The following TRHDE variants were observed in gnomAD, a reference collection of about 807,000 sequenced individuals.
TRHDE encodes the protein thyrotropin releasing hormone degrading enzyme.
TRHDE carries 72 observed loss-of-function variants against 125.7 expected under a neutral mutation model. The ratio of observed to expected loss-of-function variants is 0.57; its 90% CI spans 0.47 to 0.70. The LOEUF is 0.70. Ranked by LOEUF, TRHDE falls within the 30% of genes least tolerant of loss-of-function variation. The probability of loss-of-function intolerance (pLI) is 0.00; values close to 1 mark genes in which losing one functional copy is unlikely to be tolerated. For synonymous variants in TRHDE, 509 were observed against 509.1 expected (o/e 1.00, Z 0.00); for missense variants, 1,110 against 1,327.1 (o/e 0.84, Z 2.54).
At position 72,621,170 on chromosome 12, in the gene TRHDE, T is replaced by A; in HGVS notation, c.2532T>A (p.Phe844Leu). 1 of 1,612,540 alleles carries A rather than the reference T, an allele frequency of 6.2e-7. No individual in the cohort carries two copies. Among genetic ancestry groups the A allele is most frequent in the Non-Finnish European group, 8.5e-7 (1 of 1,178,996 alleles). Residue 844 changes from phenylalanine (F) to leucine (L), a missense_variant, in exon 14 of 19, where the codon TTT (phenylalanine) becomes TTA (leucine). This residue lies in a region of TRHDE where 527 missense variants were observed against 651.8 expected (regional missense o/e 0.81). Coordinates refer to ENST00000261180, the MANE Select transcript of TRHDE (RefSeq NM_013381.3). ...YIKLGWPKNN[F>L]NGSLVQASYQ... The stretch of plus-strand genomic sequence containing the variant: ...AGCTTGGGTGGCCGAAAAATAATTT[T>A]AATGGATCTCTTGTTCAAGCATCCT...
At chr12:72,369,086 G>A (rs1467419650) in intron 2 of TRHDE, among the ~76,000 whole-genome samples, 1 of 152,082 alleles carries the variant, frequency 6.6e-6, no homozygotes, top group Admixed American at 6.6e-5. Context: ...CCTTTAGTAT[G>A]TTTTTCCTTT....
At chr12:72,584,217 G>A (rs1011909756) in intron 12 of TRHDE, among the ~76,000 whole-genome samples, 5 of 152,090 alleles carry the variant, frequency 3.3e-5, no homozygotes, top group African/African-American at 1.2e-4. Context: ...AGAGTGCTGA[G>A]TAGAAAGTAA....
chr12:72,593,700 G>A (rs1263018451), intron 12 of TRHDE, among the ~76,000 whole-genome samples: 1 of 150,790 alleles, frequency 6.6e-6, no homozygotes, highest in African/African-American at 2.4e-5. Flanking sequence ...TGTGTGTAAT[G>A]TTCCCCACCC....
rs148746021 is a variant in TRHDE, at chr12:72,181,481, T to A, written n.279+75729T>A. ...TAACCAAACCAGCTCACTTTTCTCT[T>A]TATAAATTACAAAGTTGCAAGCAAC... On this transcript the variant is annotated intron_variant and non_coding_transcript_variant, in intron 2 of 4. Transcript: ENST00000548156. Among the ~76,000 whole-genome samples, 121 of 152,340 alleles carry A rather than the reference T, an allele frequency of 7.9e-4. 1 individual carries two copies. In the East Asian group the frequency reaches 0.011, roughly 14 times the overall value.
intron 2 of TRHDE, among the ~76,000 whole-genome samples, chr12:72,129,992 G>A (rs866479305): frequency 2.6e-5 from 4 of 152,168 alleles, no homozygotes; most frequent in Middle Eastern, 3.2e-3. Flanking sequence ...TATAGTCATT[G>A]TTAGAACATG....
chr12:72,504,987 A>G (rs1878300747), intron 6 of TRHDE, among the ~76,000 whole-genome samples: 1 of 151,962 alleles, frequency 6.6e-6, no homozygotes, highest in Admixed American at 6.6e-5. Context: ...GTTTTTTGTT[A>G]TTCTCCCTGA....
At chr12:72,569,059 G>T (rs1258042888) in intron 10 of TRHDE, among the ~76,000 whole-genome samples, 1 of 152,022 alleles carries the variant, frequency 6.6e-6, no homozygotes, top group Non-Finnish European at 1.5e-5. Context: ...TCTTTAAAAG[G>T]TGAGAGAGGC....
chr12:72,098,002 G>T (rs547274837), intron 1 of TRHDE, among the ~76,000 whole-genome samples: 1 of 152,150 alleles, frequency 6.6e-6, no homozygotes, highest in East Asian at 1.9e-4. Flanking sequence ...AAAATGTCAT[G>T]ATAATGAATT....
At chr12:72,251,597 G>A (rs1431770395) in intron 2 of TRHDE, among the ~76,000 whole-genome samples, 1 of 151,678 alleles carries the variant, frequency 6.6e-6, no homozygotes. Flanking sequence ...TCCAATTTTT[G>A]GCTACTATGA....
At chr12:72,527,720 G>A (rs1868362339) in intron 6 of TRHDE, among the ~76,000 whole-genome samples, 1 of 151,838 alleles carries the variant, frequency 6.6e-6, no homozygotes, top group African/African-American at 2.4e-5. Flanking sequence ...TTAAAAATAT[G>A]AAAGGACTGA....
intron 2 of TRHDE, among the ~76,000 whole-genome samples, chr12:72,230,649 C>T (rs7132212): frequency 1.4e-4 from 21 of 152,034 alleles, no homozygotes; most frequent in African/African-American, 3.6e-4. Context: ...CCAGAGCTCC[C>T]CACTCACAAC....
chr12:72,560,630 T>A (rs779967612), intron 7 of TRHDE: 9 of 152,024 alleles, frequency 5.9e-5, no homozygotes, highest in Non-Finnish European at 1.3e-4. Context: ...AAGGCCAGCA[T>A]GGGCCACATA....
intron 2 of TRHDE, among the ~76,000 whole-genome samples, chr12:72,310,421 T>C (rs1322728774): frequency 6.6e-6 from 1 of 152,250 alleles, no homozygotes; most frequent in Non-Finnish European, 1.5e-5. Flanking sequence ...AAATCTTGAC[T>C]GCGTTTATTT....
intron 5 of TRHDE, among the ~76,000 whole-genome samples, chr12:72,489,730 A>G (rs925269712): frequency 7.9e-5 from 12 of 151,922 alleles, no homozygotes; most frequent in Admixed American, 7.2e-4. Flanking sequence ...GCCACCAAGA[A>G]GACACGATGA....
intron 6 of TRHDE, among the ~76,000 whole-genome samples, chr12:72,509,053 C>A (rs1477582945): frequency 6.6e-6 from 1 of 152,074 alleles, no homozygotes; most frequent in Non-Finnish European, 1.5e-5. Flanking sequence ...TTCTAAATTA[C>A]CCAGGTTCAG....
rs555769682 is a variant in TRHDE at position 72,651,876 on chromosome 12, T to C, written c.2676-446T>C. Among the ~76,000 whole-genome samples, 65 of 152,042 alleles carry C rather than the reference T, an allele frequency of 4.3e-4. No homozygotes were observed. In the South Asian group the frequency reaches 0.012, roughly 28 times the overall value. The stretch of plus-strand genomic sequence containing the variant: ...TTGAGAAAATTACTGATAGAGAAAG[T>C]TATCTAAGAATTTAAGAGAAAATGT... On this transcript the variant is annotated intron_variant, in intron 15 of 18. Transcript: ENST00000261180.
intron 3 of TRHDE, among the ~76,000 whole-genome samples, chr12:72,393,753 G>C (rs1872690824): frequency 6.6e-6 from 1 of 152,032 alleles, no homozygotes; most frequent in Non-Finnish European, 1.5e-5. Context: ...CATTTTTTTT[G>C]TACAGAGCCT....
At chr12:72,325,574 T>A (rs1869303829) in intron 2 of TRHDE, among the ~76,000 whole-genome samples, 1 of 152,156 alleles carries the variant, frequency 6.6e-6, no homozygotes, top group African/African-American at 2.4e-5. Flanking sequence ...AAAAAGGTAG[T>A]ATTTTCCTTT....
intron 2 of TRHDE, among the ~76,000 whole-genome samples, chr12:72,184,822 C>G (rs1222510679): frequency 1.3e-5 from 2 of 152,196 alleles, no homozygotes; most frequent in African/African-American, 4.8e-5. Flanking sequence ...AGTCTGCCCT[C>G]CAGCAGTTGT....
Sources: gnomAD v4.1 joint callset for allele counts (sites outside exome capture counted in the v4.1 genomes callset) on GRCh38, gnomAD v4.1.1 for gene constraint, gnomAD v4.1.1 regional missense constraint, MANE v1.5 for transcripts, NCBI Gene and HGNC (gene_info 2026-07-23, HGNC 2026-07-21) for gene names.